COL22A1: variants seen among roughly 807,000 people sequenced by gnomAD.
COL22A1 encodes the protein collagen type XXII alpha 1 chain.
COL22A1 carries 221 observed loss-of-function variants against 248.9 expected under a neutral mutation model. The observed-to-expected ratio is 0.89, with a 90% CI of 0.80 to 0.99. The LOEUF (loss-of-function observed/expected upper bound fraction) is 0.99, where lower values mean the gene tolerates loss of function less well. COL22A1 is among the 50% of genes least tolerant of loss of function. COL22A1 has a pLI of 0.00. For synonymous variants in COL22A1, 891 were observed against 793.4 expected (o/e 1.12, Z -2.07); for missense variants, 2,240 against 2,179.0 (o/e 1.03, Z -0.56).
chr8:138,791,762 A>G (rs1365912016), intron 12 of COL22A1, among the ~76,000 whole-genome samples: 5 of 152,186 alleles, frequency 3.3e-5, no homozygotes, highest in Admixed American at 6.5e-5. Flanking sequence ...CTTTCACCAC[A>G]TTCATCCCTG....
chr8:138,636,724 T>G lies in COL22A1; in HGVS notation c.3555+18A>C, dbSNP rs973822762. ...TCCTTCCTCAGGGTGAATGGTTCCT[T>G]ATAAAGTAAATTTTTACCTGATCAC... is the stretch of plus-strand genomic sequence containing the variant. On this transcript the variant is annotated intron_variant, in intron 48 of 64. Transcript: ENST00000303045. 2 of 1,602,184 alleles carry G rather than the reference T, an allele frequency of 1.2e-6. No individual in the cohort carries two copies. The highest frequency in any genetic ancestry group is 2.7e-5 in the African/African-American group (2 of 74,634).
chr8:138,887,586 A>C (rs987430617), intron 1 of COL22A1, among the ~76,000 whole-genome samples: 2 of 152,188 alleles, frequency 1.3e-5, no homozygotes, highest in African/African-American at 4.8e-5. Flanking sequence ...TGTCACCATT[A>C]TTGGCTACCT....
intron 31 of COL22A1, among the ~76,000 whole-genome samples, chr8:138,700,994 A>AG (rs1827919569): frequency 6.6e-6 from 1 of 150,550 alleles, no homozygotes; most frequent in African/African-American, 2.4e-5. Context: ...GTCTCAAAAA[A>AG]AAAAAAAAAA....
chr8:138,716,300 A>G lies in COL22A1; in HGVS notation c.2401-11T>C, dbSNP rs755111210. On this transcript the variant is annotated splice_polypyrimidine_tract_variant and intron_variant, in intron 28 of 64. Coordinates refer to ENST00000303045, the MANE Select transcript of COL22A1 (RefSeq NM_152888.3). ...GAGGCCTGCTTCTCCCTGTGAGAAC[A>G]AAATATTCACAAGGCGTCAACAGGA... The G allele has an allele frequency of 1.3e-5, 20 of 1,576,470 alleles. No homozygotes were observed. The African/African-American group carries it at 2.4e-4, about 19-fold the overall frequency.
In COL22A1 at chr8:138,878,019, G is replaced by A. The variant is rs759957193; in HGVS notation, c.389C>T (p.Ser130Phe). 1.3e-6 allele frequency: 2 copies of A among 1,589,402 alleles called. No individual in the cohort carries two copies. Among genetic ancestry groups the A allele is most frequent in the East Asian group, 4.6e-5 (2 of 43,604 alleles). ...CCTGGGGCGGCCGCCGGCGTGTGGG[G>A]AGAAGCTGCGGGCCGTGATGTAGCG... ...ALRYITARSF[S>F]PHAGGRPRDR... Residue 130 changes from serine to phenylalanine, a missense_variant, in exon 3 of 65, where the codon TCC becomes TTC. Coordinates refer to ENST00000303045, the MANE Select transcript of COL22A1 (RefSeq NM_152888.3).
chr8:138,869,578 T>G lies in COL22A1; in HGVS notation c.658+8172A>C, dbSNP rs144959837. Among the ~76,000 whole-genome samples the G allele has an allele frequency of 9.2e-4, 140 of 152,340 alleles. 1 individual carries two copies. In the Middle Eastern group the frequency reaches 0.01, roughly 11 times the overall value. ...GGCAGGGTTGGAAAACTGTTTTTCTTCTTTGAAGTACACACATTTAAAACA... is the reference window on the plus strand; with the variant it reads ...GGCAGGGTTGGAAAACTGTTTTTCTGCTTTGAAGTACACACATTTAAAACA... On this transcript the variant is annotated intron_variant, in intron 3 of 64. Transcript: ENST00000303045.
At chr8:138,629,244 C>T (rs1820510561) in intron 50 of COL22A1, among the ~76,000 whole-genome samples, 2 of 152,150 alleles carry the variant, frequency 1.3e-5, no homozygotes, top group Non-Finnish European at 2.9e-5. Context: ...GCAGTCTCTG[C>T]CTCCCAGGTT....
intron 32 of COL22A1, among the ~76,000 whole-genome samples, chr8:138,695,786 T>C (rs1267683027): frequency 6.6e-6 from 1 of 151,730 alleles, no homozygotes; most frequent in African/African-American, 2.4e-5. Flanking sequence ...AGCCTGCAAT[T>C]CATATGGAAC....
chr8:138,724,571 G>T, intron 25 of COL22A1, 44 bp downstream of exon 25: 1 of 1,590,040 alleles, frequency 6.3e-7, no homozygotes, highest in Non-Finnish European at 8.6e-7. Context: ...CAGAGCAATG[G>T]GGAGAGGGAG....
intron 62 of COL22A1, 93 bp from the exon 63 acceptor site, chr8:138,594,292 C>A: frequency 1.8e-6 from 2 of 1,090,252 alleles, no homozygotes; most frequent in South Asian, 1.6e-5. Flanking sequence ...ACCAGGGGGC[C>A]GATAATAGCT....
At chr8:138,769,291 C>CA (rs1191307440) in intron 16 of COL22A1, among the ~76,000 whole-genome samples, 2 of 152,190 alleles carry the variant, frequency 1.3e-5, no homozygotes, top group Non-Finnish European at 2.9e-5. Flanking sequence ...CTGCTGTACT[C>CA]GGACCACATA....
chr8:138,755,575 C>T, intron 19 of COL22A1, 64 bp from the exon 20 acceptor site: 1 of 1,555,440 alleles, frequency 6.4e-7, no homozygotes, highest in Non-Finnish European at 8.9e-7. Context: ...CAACCTCTCT[C>T]AGCTGCACTA....
At chr8:138,777,689 G>C (rs940062544) in intron 15 of COL22A1, among the ~76,000 whole-genome samples, 1 of 152,148 alleles carries the variant, frequency 6.6e-6, no homozygotes, top group East Asian at 1.9e-4. Context: ...CCTTACAAAG[G>C]ACAAGGACTT....
At chr8:138,760,521 A>G (rs1833389044) in intron 17 of COL22A1, among the ~76,000 whole-genome samples, 1 of 152,206 alleles carries the variant, frequency 6.6e-6, no homozygotes, top group South Asian at 2.1e-4. Flanking sequence ...CTGGTTCTGC[A>G]GCATGGATAA....
rs191101735 is a variant in COL22A1, at chr8:138,611,294, C to T, written c.3978+2573G>A. The stretch of plus-strand genomic sequence containing the variant: ...CTGGATTCTTACAGCCTCCTTGTTC[C>T]GTCCAGATTGCCTCCATTTTACAGA... On this transcript the variant is annotated intron_variant, in intron 56 of 64. Transcript: ENST00000303045. 8.5e-4 allele frequency among the ~76,000 whole-genome samples: 130 copies of T among 152,332 alleles called. 1 individual carries two copies. The highest frequency in any genetic ancestry group is 9.7e-4 in the Non-Finnish European group (66 of 68,036).
In COL22A1 at chr8:138,821,140, A is replaced by G. The variant is rs1343313197; in HGVS notation, c.1241T>C (p.Ile414Thr). The change falls in exon 7 of 65, where the codon ATT becomes ACT. Residue 414 changes from isoleucine (I) to threonine (T), a missense_variant. Ile to Thr is a moderately conservative substitution (Grantham distance 89). Coordinates refer to ENST00000303045, the MANE Select transcript of COL22A1 (RefSeq NM_152888.3). The stretch of plus-strand genomic sequence containing the variant: ...AGAAGGCCCCCTGGTACTCACGTCA[A>G]TGGGCACACTGTCGTAGAGGCGCTT... ...IGKRLYDSVP[I>T]DFDLQRIVIY... 2 of 1,613,286 alleles carry G rather than the reference A, an allele frequency of 1.2e-6. No homozygotes were observed. The highest frequency in any genetic ancestry group is 2.2e-5 in the South Asian group (2 of 91,080).
At chr8:138,638,071 GTCA>G (rs533012760) in intron 47 of COL22A1, among the ~76,000 whole-genome samples, 23 of 150,886 alleles carry the variant, frequency 1.5e-4, no homozygotes, top group Admixed American at 6.6e-4. Context: ...TATTGCCATT[GTCA>G]TCATCATCAT....
At position 138,589,494 on chromosome 8, in the gene COL22A1, G is replaced by T. The variant is rs532823660; in HGVS notation, c.4694-54C>A. 6.9e-5 allele frequency: 94 copies of T among 1,367,924 alleles called. No individual in the cohort carries two copies. The African/African-American group carries it at 1.1e-3, about 16-fold the overall frequency. 84.7% of individuals were successfully genotyped at this position (1,367,924 alleles called of 1,614,324 possible). On this transcript the variant is annotated intron_variant, in intron 64 of 64. Transcript: ENST00000303045. ...GTGGTTCAAGATCCTTCTGGGAGGG[G>T]ATGGGCCCTGAACTCACAGCTTCCA...
At chr8:138,798,509 A>T (rs1816741999) in intron 11 of COL22A1, among the ~76,000 whole-genome samples, 1 of 152,124 alleles carries the variant, frequency 6.6e-6, no homozygotes, top group South Asian at 2.1e-4. Flanking sequence ...CTCTAGATTT[A>T]TAAAAACTTA....
Sources: allele counts gnomAD v4.1 joint callset (sites outside exome capture counted in the v4.1 genomes callset), GRCh38; gene constraint gnomAD v4.1.1; transcripts MANE v1.5; gene names NCBI Gene and HGNC (gene_info 2026-07-23, HGNC 2026-07-21).